The following MINK1 variants were observed in gnomAD, a reference collection of about 807,000 sequenced individuals.
MINK1 encodes misshapen like kinase 1, also known as misshapen-like kinase 1.
In MINK1, 46 loss-of-function variants were observed where a neutral mutation model predicts 178.4. The ratio of observed to expected loss-of-function variants is 0.26; its 90% CI spans 0.20 to 0.33. MINK1 has a LOEUF of 0.33. Among genes scored for constraint, MINK1 ranks in the 10% least tolerant of loss-of-function variants. The pLI is 1.00. For missense variants in MINK1, 1,366 were observed against 1,814.9 expected (o/e 0.75, Z 4.49); for synonymous variants, 797 against 709.7 (o/e 1.12, Z -1.96).
At position 4,895,120 on chromosome 17, in the gene MINK1, A is replaced by G; in HGVS notation, c.2963A>G (p.Asp988Gly). ...ACTCGGCTCGACCAGCTGCAGTACG[A>G]CGTGAGGAAGGGTTCTGTGGTCAAC... ...EGTRLDQLQY[D>G]VRKGSVVNVN... The change falls in exon 25 of 32, where the codon GAC (aspartate) becomes GGC (glycine). Residue 988 changes from aspartate to glycine, a missense_variant. Coordinates refer to ENST00000355280, the MANE Select transcript of MINK1 (RefSeq NM_153827.5). This position sits in a 1 kb window ranked among gnomAD's most constrained non-coding sequence, Gnocchi z 4.3. 1.2e-6 allele frequency: 2 copies of G among 1,613,708 alleles called. No individual in the cohort carries two copies. The highest frequency in any genetic ancestry group is 1.7e-6 in the Non-Finnish European group (2 of 1,179,992).
intron 1 of MINK1, among the ~76,000 whole-genome samples, chr17:4,851,969 C>G (rs1912039440): frequency 7.2e-6 from 1 of 138,244 alleles, no homozygotes; most frequent in Admixed American, 7.7e-5. Flanking sequence ...CACTGCACTC[C>G]AGCCTGGGCA....
chr17:4,892,694 G>A lies in MINK1; in HGVS notation c.2237G>A (p.Arg746His), dbSNP rs754392101. ...AGGAGGAGCGACCCTGGCTGGGAAC[G>A]CTCGGACAGCGTCCTTCCAGCCTCT... ...DLRRSDPGWE[R>H]SDSVLPASHG... Residue 746 changes from arginine (R) to histidine (H), a missense_variant, in exon 19 of 32, where the codon CGC becomes CAC. Transcript: ENST00000355280. The A allele has an allele frequency of 1.1e-5, 17 of 1,611,592 alleles. No homozygotes were observed. The highest frequency in any genetic ancestry group is 5.3e-5 in the African/African-American group (4 of 74,922).
At chr17:4,862,446 G>A (rs1220827797) in intron 1 of MINK1, among the ~76,000 whole-genome samples, 1 of 152,138 alleles carries the variant, frequency 6.6e-6, no homozygotes, top group African/African-American at 2.4e-5. Flanking sequence ...CCTGAGGTCA[G>A]GAGTTCAAGA....
Position 4,896,659 on chromosome 17 carries a change from AC to A in MINK1, c.3776-13del. 6.2e-7 allele frequency: 1 copy of A among 1,604,448 alleles called. No individual in the cohort carries two copies. ...CGGGGTGCAGCCTGCTCAGCCCCTC[AC>A]CTGTTCCCCACAGCCTACATCTGCT... On this transcript the variant is annotated splice_polypyrimidine_tract_variant and intron_variant, in intron 30 of 31. Transcript: ENST00000355280. This position sits in a 1 kb window ranked among gnomAD's most constrained non-coding sequence, Gnocchi z 4.6.
chr17:4,892,827 C>G, intron 19 of MINK1, 59 bp downstream of exon 19: 1 of 1,494,514 alleles, frequency 6.7e-7, no homozygotes, highest in East Asian at 2.4e-5. Context: ...ACCATGGACC[C>G]TGCCTTTGGT....
chr17:4,877,489 G>T (rs1567596210), intron 1 of MINK1, among the ~76,000 whole-genome samples: 1 of 152,172 alleles, frequency 6.6e-6, no homozygotes, highest in Non-Finnish European at 1.5e-5. Context: ...GTCTCAGGGG[G>T]ACTGGGAAGA....
In MINK1 at chr17:4,836,285, G is replaced by T. The variant is rs1909296234; in HGVS notation, c.57+2645G>T. On this transcript the variant is annotated intron_variant, in intron 1 of 31. Coordinates refer to ENST00000355280, the MANE Select transcript of MINK1 (RefSeq NM_153827.5). This position sits in a 1 kb window ranked among gnomAD's most constrained non-coding sequence, Gnocchi z 4.3. ...CTCCTCTTGTTTCAAGATAAGGCTTGGTTTTCAGCTGGTGATGAGGGTAAT... is the reference window on the plus strand; with the variant it reads ...CTCCTCTTGTTTCAAGATAAGGCTTTGTTTTCAGCTGGTGATGAGGGTAAT... Among the ~76,000 whole-genome samples the T allele has an allele frequency of 6.6e-6, 1 of 152,162 alleles. No individual in the cohort carries two copies. The highest frequency in any genetic ancestry group is 2.1e-4 in the South Asian group (1 of 4,826).
intron 18 of MINK1, 54 bp from the exon 19 acceptor site, chr17:4,892,602 C>T: frequency 6.4e-7 from 1 of 1,550,532 alleles, no homozygotes; most frequent in African/African-American, 1.4e-5. Context: ...CAGCTCAGCA[C>T]CCCAGAGAAG....
In MINK1 at chr17:4,854,109, T is replaced by C. The variant is rs530822568; in HGVS notation, c.57+20469T>C. 3.9e-5 allele frequency among the ~76,000 whole-genome samples: 6 copies of C among 152,292 alleles called. No individual in the cohort carries two copies. The South Asian group carries it at 1.2e-3, about 32-fold the overall frequency. On this transcript the variant is annotated intron_variant, in intron 1 of 31. Coordinates refer to ENST00000355280, the MANE Select transcript of MINK1 (RefSeq NM_153827.5). ...ATGGTGTTTATTTTTTCCTTTTCCC[T>C]TTCCCCACTTCCCCGGCTCAGCATC...
chr17:4,861,259 G>A (rs1437981345), intron 1 of MINK1, among the ~76,000 whole-genome samples: 3 of 152,232 alleles, frequency 2.0e-5, no homozygotes, highest in Non-Finnish European at 4.4e-5. Flanking sequence ...ATTGTATGCG[G>A]AGCTGCGAGA....
Position 4,833,787 on chromosome 17 carries a change from C to A in MINK1, c.57+147C>A. 1 of 598,916 alleles carries A rather than the reference C, an allele frequency of 1.7e-6. No individual in the cohort carries two copies. The highest frequency in any genetic ancestry group is 4.2e-5 in the Admixed American group (1 of 23,710). The allele number at this position is 598,916 out of a possible 1,614,324, so 37.1% of individuals were successfully genotyped here. On this transcript the variant is annotated intron_variant, in intron 1 of 31. Transcript: ENST00000355280. The surrounding 1 kb of genome is among the most constrained non-coding windows in gnomAD (Gnocchi z 4.8). Reference sequence around the variant, plus strand: ...GACCCGTGCCCCTTTCCCGGACTCCCGCCGCGGCTGGGCCCCCGCCCTCTG... The same window carrying A: ...GACCCGTGCCCCTTTCCCGGACTCCAGCCGCGGCTGGGCCCCCGCCCTCTG...
intron 4 of MINK1, among the ~76,000 whole-genome samples, chr17:4,882,136 C>T (rs1053574443): frequency 2.6e-5 from 4 of 152,216 alleles, no homozygotes; most frequent in Admixed American, 2.6e-4. Context: ...TGGTGGAGAT[C>T]GCGGCAGGCT....
chr17:4,859,308 G>A (rs1913727465), intron 1 of MINK1: 1 of 985,210 alleles, frequency 1.0e-6, no homozygotes, highest in Non-Finnish European at 1.2e-6. Flanking sequence ...CAAGAATTAT[G>A]ACTCATCGGT....
rs766149258 is a variant in MINK1 at position 4,896,660 on chromosome 17, C to T, written c.3776-14C>T. The T allele has an allele frequency of 1.7e-5, 28 of 1,604,308 alleles. No homozygotes were observed. The highest frequency in any genetic ancestry group is 4.5e-5 in the East Asian group (2 of 44,802). ...GGGGTGCAGCCTGCTCAGCCCCTCA[C>T]CTGTTCCCCACAGCCTACATCTGCT... On this transcript the variant is annotated splice_polypyrimidine_tract_variant and intron_variant, in intron 30 of 31. Transcript: ENST00000355280. This position sits in a 1 kb window ranked among gnomAD's most constrained non-coding sequence, Gnocchi z 4.6.
chr17:4,889,804 G>A (rs1292143107), intron 13 of MINK1, 41 bp downstream of exon 13: 2 of 1,067,988 alleles, frequency 1.9e-6, no homozygotes, highest in Admixed American at 3.8e-5. Flanking sequence ...CCGCCCTCCC[G>A]CTCCTGCTGC....
intron 1 of MINK1, chr17:4,861,678 T>G (rs1323572146): frequency 3.1e-6 from 1 of 318,104 alleles, no homozygotes; most frequent in Admixed American, 3.5e-5. Flanking sequence ...TTTCTGTATT[T>G]TTAGTAGAGA....
chr17:4,876,961 T>C (rs1967235668), intron 1 of MINK1, among the ~76,000 whole-genome samples: 1 of 152,068 alleles, frequency 6.6e-6, no homozygotes, highest in African/African-American at 2.4e-5. Flanking sequence ...CGGTGGTGCA[T>C]GCCTGTGGTC....
intron 1 of MINK1, chr17:4,854,926 G>A (rs561131956): frequency 5.0e-6 from 2 of 401,358 alleles, no homozygotes; most frequent in Admixed American, 5.7e-5. Context: ...AAGAGTCCAG[G>A]CTGGGCGCGG....
In MINK1 at chr17:4,895,739, C is replaced by T; in HGVS notation, c.3271C>T (p.Arg1091Trp). Residue 1091 changes from arginine (R) to tryptophan (W), a missense_variant, in exon 27 of 32, where the codon CGG (arginine) becomes TGG (tryptophan). Physicochemically the swap from Arg to Trp is moderately radical, Grantham distance 101 (BLOSUM62 -3). Around this residue, in one of 14 missense-constraint regions of MINK1, gnomAD observed 77 missense variants for 119.5 expected, o/e 0.64. Transcript: ENST00000355280. The surrounding 1 kb of genome is among the most constrained non-coding windows in gnomAD (Gnocchi z 4.3). The stretch of plus-strand genomic sequence containing the variant: ...GCGGGTGTATTACCTGTCCTGGCTC[C>T]GGAACAAGATTCTGCACAATGACCC... ...KLRVYYLSWL[R>W]NKILHNDPEV... 1.9e-6 allele frequency: 3 copies of T among 1,613,662 alleles called. No homozygotes were observed. Among genetic ancestry groups the T allele is most frequent in the Non-Finnish European group, 2.5e-6 (3 of 1,179,754 alleles).
Sources: gnomAD v4.1 joint callset for allele counts (sites outside exome capture counted in the v4.1 genomes callset) on GRCh38, gnomAD v4.1.1 for gene constraint, gnomAD v4.1.1 regional missense constraint, Gnocchi (gnomAD v3.1) non-coding constraint, MANE v1.5 for transcripts, NCBI Gene and HGNC (gene_info 2026-07-23, HGNC 2026-07-21) for gene names.